Variants in MYCBP2 observed in about 807,000 individuals in gnomAD.
MYCBP2 encodes E3 ubiquitin-protein ligase MYCBP2.
In MYCBP2, 120 loss-of-function variants were observed where a neutral mutation model predicts 525.3. The ratio of observed to expected loss-of-function variants is 0.23; its 90% CI spans 0.20 to 0.27. The LOEUF is 0.27. Among genes scored for constraint, MYCBP2 ranks in the 10% least tolerant of loss-of-function variants. The pLI is 1.00. For synonymous variants in MYCBP2, 1,894 were observed against 1,955.8 expected (o/e 0.97, Z 0.83); for missense variants, 4,149 against 5,657.1 (o/e 0.73, Z 8.55).
At position 77,064,491 on chromosome 13, in the gene MYCBP2, G is replaced by T. The variant is rs911418518; in HGVS notation, c.12672+124C>A. On this transcript the variant is annotated intron_variant, in intron 73 of 82. Coordinates refer to ENST00000544440, the MANE Select transcript of MYCBP2 (RefSeq NM_015057.5). ...CCCTTTATACTTTTTCAATAAATAC[G>T]GTATTTGGTTAAAAAATAATTATGT... 8.4e-6 allele frequency: 9 copies of T among 1,066,202 alleles called. No homozygotes were observed. The African/African-American group carries it at 1.4e-4, about 17-fold the overall frequency. 66.0% of individuals were successfully genotyped at this position (1,066,202 alleles called of 1,614,324 possible).
chr13:77,118,911 G>C (rs2050231029), intron 55 of MYCBP2, among the ~76,000 whole-genome samples: 1 of 152,156 alleles, frequency 6.6e-6, no homozygotes, highest in African/African-American at 2.4e-5. Context: ...CTCATCGGCA[G>C]TATATTTCAT....
In MYCBP2 at chr13:77,206,914, T is replaced by A. The variant is rs998305550; in HGVS notation, c.3417-89A>T. 14 of 1,143,392 alleles carry A rather than the reference T, an allele frequency of 1.2e-5. No homozygotes were observed. The African/African-American group carries it at 1.4e-4, about 11-fold the overall frequency. The allele number at this position is 1,143,392 out of a possible 1,614,324, so 70.8% of individuals were successfully genotyped here. On this transcript the variant is annotated intron_variant, in intron 23 of 82. Coordinates refer to ENST00000544440, the MANE Select transcript of MYCBP2 (RefSeq NM_015057.5). ...AACATAACTGATGATACAAAGAGAATAAATAATATAGTCAGCTTAAAGAGG... is the reference window on the plus strand; with the variant it reads ...AACATAACTGATGATACAAAGAGAAAAAATAATATAGTCAGCTTAAAGAGG...
intron 62 of MYCBP2, among the ~76,000 whole-genome samples, chr13:77,086,731 A>G (rs1172025866): frequency 6.6e-6 from 1 of 152,122 alleles, no homozygotes; most frequent in African/African-American, 2.4e-5. Context: ...TGTTTTTTAA[A>G]TATCAATTAT....
chr13:77,170,945 G>C (rs2059083138), intron 38 of MYCBP2, among the ~76,000 whole-genome samples: 2 of 152,112 alleles, frequency 1.3e-5, no homozygotes, highest in Non-Finnish European at 2.9e-5. Flanking sequence ...ATGGAGAATG[G>C]GGGAAAGGCA....
chr13:77,206,607 A>G, intron 24 of MYCBP2, 46 bp downstream of exon 24: 14 of 1,482,192 alleles, frequency 9.4e-6, no homozygotes, highest in Non-Finnish European at 1.3e-5. Context: ...AACCCTGGAC[A>G]GCACACATTA....
intron 61 of MYCBP2, among the ~76,000 whole-genome samples, chr13:77,088,142 T>C (rs550107873): frequency 6.6e-6 from 1 of 152,192 alleles, no homozygotes; most frequent in East Asian, 1.9e-4. Flanking sequence ...CAGTTAATAA[T>C]TTGGGGTTTT....
At chr13:77,268,048 T>C (rs2154342605) in intron 7 of MYCBP2, 111 bp from the exon 8 acceptor site, 1 of 630,408 alleles carries the variant, frequency 1.6e-6, no homozygotes, top group Non-Finnish European at 2.8e-6. Context: ...TACATCAATA[T>C]TGATGTCTAA....
At chr13:77,295,806 C>A (rs1056887250) in intron 2 of MYCBP2, among the ~76,000 whole-genome samples, 5 of 152,124 alleles carry the variant, frequency 3.3e-5, no homozygotes, top group Admixed American at 3.3e-4. Context: ...AAAATAGATT[C>A]TTGGTTTCTA....
intron 1 of MYCBP2, among the ~76,000 whole-genome samples, chr13:77,300,266 T>C (rs894208421): frequency 2.6e-5 from 4 of 152,188 alleles, no homozygotes; most frequent in African/African-American, 9.6e-5. Flanking sequence ...AAAGCAGGAA[T>C]AGGGAAATTT....
intron 82 of MYCBP2, among the ~76,000 whole-genome samples, chr13:77,046,267 C>T (rs1335481161): frequency 6.6e-6 from 1 of 152,168 alleles, no homozygotes; most frequent in Non-Finnish European, 1.5e-5. Flanking sequence ...AGGAGGCTTA[C>T]TTTGTCAGAA....
intron 17 of MYCBP2, among the ~76,000 whole-genome samples, chr13:77,241,727 T>A (rs2068859548): frequency 6.6e-6 from 1 of 152,182 alleles, no homozygotes; most frequent in Non-Finnish European, 1.5e-5. Context: ...TATCAGATGC[T>A]ATGAAGAACA....
intron 15 of MYCBP2, among the ~76,000 whole-genome samples, chr13:77,245,359 T>C (rs1448299472): frequency 6.6e-6 from 1 of 152,170 alleles, no homozygotes; most frequent in African/African-American, 2.4e-5. Flanking sequence ...CCAACCCAAA[T>C]GCTCATCAAT....
intron 28 of MYCBP2, 80 bp downstream of exon 28, chr13:77,191,599 G>GA: frequency 6.6e-7 from 1 of 1,504,182 alleles, no homozygotes; most frequent in Non-Finnish European, 9.0e-7. Context: ...GAATCCTGCT[G>GA]AAAGTACTCT....
In MYCBP2 at chr13:77,181,696, C is replaced by A; in HGVS notation, c.4941+5G>T. 6.2e-7 allele frequency: 1 copy of A among 1,612,548 alleles called. No homozygotes were observed. The highest frequency in any genetic ancestry group is 8.5e-7 in the Non-Finnish European group (1 of 1,179,348). Reference sequence around the variant, plus strand: ...CTGTATAAAAGATTTCAGAGACAGACCTACCTGGCTGAGTTTTTCCATATG... The same window carrying A: ...CTGTATAAAAGATTTCAGAGACAGAACTACCTGGCTGAGTTTTTCCATATG... On this transcript the variant is annotated splice_donor_5th_base_variant and intron_variant, in intron 33 of 82. Transcript: ENST00000544440.
At chr13:77,209,520 G>A (rs1032421258) in intron 23 of MYCBP2, among the ~76,000 whole-genome samples, 14 of 152,074 alleles carry the variant, frequency 9.2e-5, no homozygotes, top group African/African-American at 3.4e-4. Context: ...ACTTCTAATC[G>A]GTAAGTAACT....
In MYCBP2 at chr13:77,168,724, G is replaced by C. The variant is rs570529724; in HGVS notation, c.5896-78C>G. The stretch of plus-strand genomic sequence containing the variant: ...AAAATTATGCATTACAATAATTGTT[G>C]GTTACTCTAATAACAATTTCCATCT... On this transcript the variant is annotated intron_variant, in intron 39 of 82. Transcript: ENST00000544440. The C allele has an allele frequency of 5.6e-5, 73 of 1,293,666 alleles. No homozygotes were observed. In the East Asian group the frequency reaches 1.7e-3, roughly 30 times the overall value. The allele number at this position is 1,293,666 out of a possible 1,614,324, so 80.1% of individuals were successfully genotyped here. A position where few individuals can be genotyped will look rare whatever the true frequency, so the allele number is the denominator to read the frequency against.
At chr13:77,093,406 A>T in intron 58 of MYCBP2, 74 bp from the exon 59 acceptor site, 1 of 1,324,362 alleles carries the variant, frequency 7.6e-7, no homozygotes, top group Non-Finnish European at 1.0e-6. Flanking sequence ...TCTCTTTCAT[A>T]ACAGGAAAAG....
intron 1 of MYCBP2, among the ~76,000 whole-genome samples, chr13:77,312,824 T>A (rs1418294539): frequency 2.0e-5 from 3 of 151,294 alleles, no homozygotes; most frequent in African/African-American, 7.4e-5. Context: ...ACAGTGGATT[T>A]CTTTTTTTAA....
At chr13:77,303,866 A>T (rs2079087186) in intron 1 of MYCBP2, among the ~76,000 whole-genome samples, 1 of 152,202 alleles carries the variant, frequency 6.6e-6, no homozygotes, top group East Asian at 1.9e-4. Context: ...AGTAGAAAGG[A>T]AATAAAAATA....
Sources: allele counts gnomAD v4.1 joint callset (sites outside exome capture counted in the v4.1 genomes callset), GRCh38; gene constraint gnomAD v4.1.1; transcripts MANE v1.5; gene names NCBI Gene and HGNC (gene_info 2026-07-23, HGNC 2026-07-21).